Variants in STK32B observed in about 807,000 individuals in gnomAD.
STK32B encodes the protein serine/threonine-protein kinase 32B.
STK32B carries 43 observed loss-of-function variants against 52.6 expected under a neutral mutation model. That is an observed-to-expected ratio of 0.82 (90% CI 0.64 to 1.05). The LOEUF (loss-of-function observed/expected upper bound fraction) is 1.05, where lower values mean the gene tolerates loss of function less well. STK32B is among the 50% of genes least tolerant of loss of function. STK32B has a pLI of 0.00. For missense variants in STK32B, 621 were observed against 534.6 expected (o/e 1.16, Z -1.59); for synonymous variants, 238 against 204.3 (o/e 1.17, Z -1.41).
intron 4 of STK32B, among the ~76,000 whole-genome samples, chr4:5,385,474 T>G (rs1736187772): frequency 2.9e-5 from 4 of 138,440 alleles, no homozygotes; most frequent in African/African-American, 5.3e-5. Flanking sequence ...GGCGTTTGGC[T>G]GGGGGTTCTG....
intron 2 of STK32B, among the ~76,000 whole-genome samples, chr4:5,155,773 G>GT (rs1717779360): frequency 6.6e-6 from 1 of 152,096 alleles, no homozygotes; most frequent in African/African-American, 2.4e-5. Flanking sequence ...CGCCATGATT[G>GT]TAAGTTTCCT....
chr4:5,175,883 T>G (rs921659361), intron 3 of STK32B, among the ~76,000 whole-genome samples: 8 of 152,222 alleles, frequency 5.3e-5, no homozygotes, highest in Non-Finnish European at 1.2e-4. Context: ...TTGTTTGTCT[T>G]TGCCCTGCCC....
At chr4:5,365,612 A>G (rs1475461188) in intron 4 of STK32B, among the ~76,000 whole-genome samples, 2 of 152,210 alleles carry the variant, frequency 1.3e-5, no homozygotes, top group Admixed American at 6.5e-5. Flanking sequence ...GGAAACTTTC[A>G]TGTTTGCAAA....
At chr4:5,087,010 A>G (rs745936953) in intron 1 of STK32B, among the ~76,000 whole-genome samples, 37 of 152,234 alleles carry the variant, frequency 2.4e-4, no homozygotes, top group Non-Finnish European at 4.4e-4. Flanking sequence ...TAAGAACACC[A>G]GTAAAGTTAA....
intron 2 of STK32B, among the ~76,000 whole-genome samples, chr4:5,161,423 C>T (rs1040604043): frequency 6.6e-6 from 1 of 152,308 alleles, no homozygotes; most frequent in South Asian, 2.1e-4. Flanking sequence ...GGTTCAGCAT[C>T]TCTGAGACTT....
intron 2 of STK32B, among the ~76,000 whole-genome samples, chr4:5,143,713 C>G (rs1716686163): frequency 6.6e-6 from 1 of 151,910 alleles, no homozygotes; most frequent in Admixed American, 6.6e-5. Context: ...TCACACTATC[C>G]CTTAGAATTC....
intron 2 of STK32B, among the ~76,000 whole-genome samples, chr4:5,153,149 T>C (rs374392728): frequency 1.2e-3 from 186 of 152,318 alleles, no homozygotes; most frequent in African/African-American, 4.2e-3. Flanking sequence ...CAGGCACATC[T>C]GCTGGAAACA....
At chr4:5,019,517 C>G in the STK32B span, 9 of 1,374,716 alleles carry the variant, frequency 6.5e-6, no homozygotes, top group Non-Finnish European at 8.4e-6. Flanking sequence ...GGCGGCTCCA[C>G]GCCTCCACTT....
the STK32B span, among the ~76,000 whole-genome samples, chr4:5,046,034 AAAG>A: frequency 6.6e-6 from 1 of 152,196 alleles, no homozygotes; most frequent in African/African-American, 2.4e-5. Context: ...ATATGACATC[AAAG>A]AAGACCCTGT....
At position 5,460,033 on chromosome 4, in the gene STK32B, C is replaced by T; in HGVS notation, c.784-70C>T. 3 of 1,611,590 alleles carry T rather than the reference C, an allele frequency of 1.9e-6. No homozygotes were observed. Among genetic ancestry groups the T allele is most frequent in the Non-Finnish European group, 1.7e-6 (2 of 1,178,298 alleles). On this transcript the variant is annotated intron_variant, in intron 8 of 11. Coordinates refer to ENST00000282908, the MANE Select transcript of STK32B (RefSeq NM_018401.3). The surrounding 1 kb of genome is among the most constrained non-coding windows in gnomAD (Gnocchi z 4.8). ...GGCACATTAATTGCCCTGAGACCCC[C>T]TCCTTCAGAGTCCCCGCTAACCTTG...
At chr4:5,121,081 C>A (rs1714999340) in intron 1 of STK32B, among the ~76,000 whole-genome samples, 1 of 151,938 alleles carries the variant, frequency 6.6e-6, no homozygotes. Context: ...GTCTTTTATC[C>A]CTCCCCACTT....
Position 5,499,018 on chromosome 4 carries a change from A to C in STK32B, c.1180A>C (p.Lys394Gln). ...DSRGGGQAQS[K>Q]LQDGCNNNLL... is the part of the protein sequence containing the mutation. Reference sequence around the variant, plus strand: ...CCGAGGGGGAGGCCAGGCCCAAAGCAAGCTCCAGGACGGGTGCAACAACAA... The same window carrying C: ...CCGAGGGGGAGGCCAGGCCCAAAGCCAGCTCCAGGACGGGTGCAACAACAA... The change falls in exon 12 of 12, where the codon AAG (lysine) becomes CAG (glutamine). Residue 394 changes from lysine (K) to glutamine (Q), a missense_variant. Physicochemically the swap from Lys to Gln is moderately conservative, Grantham distance 53. Transcript: ENST00000282908. The C allele has an allele frequency of 1.2e-6, 2 of 1,613,830 alleles. No homozygotes were observed. Among genetic ancestry groups the C allele is most frequent in the African/African-American group, 2.7e-5 (2 of 75,012 alleles).
intron 1 of STK32B, among the ~76,000 whole-genome samples, chr4:5,084,988 A>G (rs1190306960): frequency 6.6e-6 from 1 of 152,206 alleles, no homozygotes; most frequent in Non-Finnish European, 1.5e-5. Flanking sequence ...GAAAAGCACA[A>G]ATCAGTTCCC....
the STK32B span, among the ~76,000 whole-genome samples, chr4:5,030,815 TTACATGAATGC>T: frequency 6.6e-6 from 1 of 151,960 alleles, no homozygotes; most frequent in African/African-American, 2.4e-5. Context: ...AAAAAGTAAT[TTACATGAATGC>T]TAACAAGCTG....
chr4:5,330,430 T>C (rs996190709), intron 3 of STK32B, among the ~76,000 whole-genome samples: 2 of 152,218 alleles, frequency 1.3e-5, no homozygotes, highest in African/African-American at 4.8e-5. Context: ...AATTTTCTAC[T>C]GTTTCAAAAA....
chr4:5,417,983 T>A (rs1712301984), intron 6 of STK32B, among the ~76,000 whole-genome samples: 1 of 152,214 alleles, frequency 6.6e-6, no homozygotes, highest in African/African-American at 2.4e-5. Flanking sequence ...ACATGCAGTT[T>A]CAAGATGGTA....
chr4:5,355,703 A>G (rs1734130227), intron 4 of STK32B, among the ~76,000 whole-genome samples: 1 of 152,162 alleles, frequency 6.6e-6, no homozygotes, highest in African/African-American at 2.4e-5. Flanking sequence ...ATAATCAAAA[A>G]TATCTCCACA....
chr4:5,137,397 C>A (rs16836697), intron 1 of STK32B, among the ~76,000 whole-genome samples: 1 of 152,124 alleles, frequency 6.6e-6, no homozygotes, highest in Non-Finnish European at 1.5e-5. Flanking sequence ...TGGTGCCATT[C>A]CTTTTCCAGT....
Position 5,396,017 on chromosome 4 carries a change from A to T in STK32B, c.435-2190A>T, listed in dbSNP as rs147804579. Among the ~76,000 whole-genome samples, 82 of 152,362 alleles carry T rather than the reference A, an allele frequency of 5.4e-4. No individual in the cohort carries two copies. The highest frequency in any genetic ancestry group is 1.8e-3 in the African/African-American group (75 of 41,594). ...GCCATGCTGTCATTAATGGGGCCCT[A>T]GCTGCCCTTTGAGGTTTGCCCTCAA... On this transcript the variant is annotated intron_variant, in intron 4 of 11. Transcript: ENST00000282908. This position sits in a 1 kb window ranked among gnomAD's most constrained non-coding sequence, Gnocchi z 4.7.
Sources: gnomAD v4.1 joint callset for allele counts (sites outside exome capture counted in the v4.1 genomes callset) on GRCh38, gnomAD v4.1.1 for gene constraint, Gnocchi (gnomAD v3.1) non-coding constraint, MANE v1.5 for transcripts, NCBI Gene and HGNC (gene_info 2026-07-23, HGNC 2026-07-21) for gene names.